LIFR: variants seen among roughly 807,000 people sequenced by gnomAD.
LIFR encodes the protein leukemia inhibitory factor receptor.
In LIFR, 84 loss-of-function variants were observed where a neutral mutation model predicts 122.2. That is an observed-to-expected ratio of 0.69 (90% CI 0.58 to 0.82). The LOEUF is 0.82. LIFR is among the 40% of genes least tolerant of loss of function. The probability of loss-of-function intolerance (pLI) is 0.00; values close to 1 mark genes in which losing one functional copy is unlikely to be tolerated. For missense variants in LIFR, 1,294 were observed against 1,311.6 expected (o/e 0.99, Z 0.21); for synonymous variants, 422 against 434.7 (o/e 0.97, Z 0.36).
chr5:38,489,240 T>C lies in LIFR; in HGVS notation c.2173A>G (p.Ile725Val), dbSNP rs375346911. ...TCAACAGTAAAATTTGGTGCAACAA[T>C]GGGAGCTGTAAAAGGAAAAAGTCAA... ...MIGYIEELAP[I>V]VAPNFTVEDT... The change falls in exon 16 of 20, where the codon ATT becomes GTT. Residue 725 changes from isoleucine to valine, a missense_variant. Transcript: ENST00000453190. 4 of 1,612,110 alleles carry C rather than the reference T, an allele frequency of 2.5e-6. No individual in the cohort carries two copies. The African/African-American group carries it at 5.3e-5, about 22-fold the overall frequency.
chr5:38,478,852 G>T lies in LIFR; in HGVS notation c.*2743C>A, dbSNP rs1743843412. 1 of 225,276 alleles carries T rather than the reference G, an allele frequency of 4.4e-6. No individual in the cohort carries two copies. The allele number at this position is 225,276 out of a possible 1,614,324, so 14.0% of individuals were successfully genotyped here. Reference sequence around the variant, plus strand: ...CTGGGCTTTCACTGAGGAAAAGAGGGATTTCTCAATTATTTTCCCAGTTAG... The same window carrying T: ...CTGGGCTTTCACTGAGGAAAAGAGGTATTTCTCAATTATTTTCCCAGTTAG... On this transcript the variant is annotated 3_prime_UTR_variant, in exon 20 of 20. Transcript: ENST00000453190.
In LIFR at chr5:38,533,664, TC is replaced by T. The variant is rs1360869967; in HGVS notation, c.-19-2999del. Among the ~76,000 whole-genome samples, 8 of 152,330 alleles carry T rather than the reference TC, an allele frequency of 5.3e-5. No individual in the cohort carries two copies. The East Asian group carries it at 1.5e-3, about 29-fold the overall frequency. On this transcript the variant is annotated intron_variant, in intron 1 of 19. Coordinates refer to ENST00000453190, the MANE Select transcript of LIFR (RefSeq NM_001127671.2). ...ATTTTGTTGCTTATTTTGTCTCTGTTCCCCTGTCCCCCAACCCCTCTCTATA... is the reference window on the plus strand; with the variant it reads ...ATTTTGTTGCTTATTTTGTCTCTGTTCCCTGTCCCCCAACCCCTCTCTATA...
rs1743920233 is a variant in LIFR, at chr5:38,480,283, A to T, written c.*1312T>A. On this transcript the variant is annotated 3_prime_UTR_variant, in exon 20 of 20. Coordinates refer to ENST00000453190, the MANE Select transcript of LIFR (RefSeq NM_001127671.2). ...TAGTTTTTCCTTCTGCTTTTCCAAGAACCACAATCACTCCAGACATCGCTT... is the reference window on the plus strand; with the variant it reads ...TAGTTTTTCCTTCTGCTTTTCCAAGTACCACAATCACTCCAGACATCGCTT... 4.4e-6 allele frequency: 1 copy of T among 227,500 alleles called. No homozygotes were observed. Among genetic ancestry groups the T allele is most frequent in the Non-Finnish European group, 8.7e-6 (1 of 114,486 alleles). 14.1% of individuals were successfully genotyped at this position (227,500 alleles called of 1,614,324 possible). A position where few individuals can be genotyped will look rare whatever the true frequency, so the allele number is the denominator to read the frequency against.
chr5:38,506,408 G>T, intron 8 of LIFR, 95 bp downstream of exon 8: 4 of 1,437,428 alleles, frequency 2.8e-6, no homozygotes, highest in Non-Finnish European at 3.9e-6. Context: ...TATCTTGTTT[G>T]TAACATAAAT....
Position 38,506,608 on chromosome 5 carries a change from A to G in LIFR, c.1016T>C (p.Leu339Pro), listed in dbSNP as rs1397852219. 3 of 1,613,462 alleles carry G rather than the reference A, an allele frequency of 1.9e-6. No individual in the cohort carries two copies. The highest frequency in any genetic ancestry group is 2.5e-6 in the Non-Finnish European group (3 of 1,179,420). Residue 339 changes from leucine to proline, a missense_variant, in exon 8 of 20, where the codon CTG becomes CCG. By Grantham distance (98) the Leu-to-Pro change is moderately conservative. Coordinates refer to ENST00000453190, the MANE Select transcript of LIFR (RefSeq NM_001127671.2). ...TTTTAAATCATGTGTCTCACAATTC[A>G]GTTGTTGAGGAGTATCTGGTGGATC... ...AGYPPDTPQQLNCETHDLKEI... is the reference protein window; with the variant it reads ...AGYPPDTPQQPNCETHDLKEI...
intron 14 of LIFR, among the ~76,000 whole-genome samples, chr5:38,491,928 T>C (rs1744614353): frequency 6.6e-6 from 1 of 152,202 alleles, no homozygotes; most frequent in African/African-American, 2.4e-5. Context: ...GTTAAAATTA[T>C]TTATTAACAA....
At chr5:38,579,498 C>T (rs1049004719) in intron 1 of LIFR, 34 of 152,128 alleles carry the variant, frequency 2.2e-4, no homozygotes, top group African/African-American at 7.0e-4. Flanking sequence ...TTAGGAACTC[C>T]TACATAATAC....
At chr5:38,571,988 T>G (rs868337412) in intron 1 of LIFR, among the ~76,000 whole-genome samples, 1 of 152,234 alleles carries the variant, frequency 6.6e-6, no homozygotes, top group Non-Finnish European at 1.5e-5. Flanking sequence ...ATTGCTTTTT[T>G]CTAATAAATA....
chr5:38,561,420 A>G (rs998465275), upstream of LIFR, among the ~76,000 whole-genome samples: 62 of 152,204 alleles, frequency 4.1e-4, no homozygotes, highest in African/African-American at 1.5e-3. Context: ...CTTCTCTATA[A>G]AAAGGGCTTA....
chr5:38,504,122 C>T lies in LIFR; in HGVS notation c.1292-1G>A. ...AATGAAGTAGGAGTATGGGGATAAA[C>T]TGCAAATATAATTTTTAAAGATTAA... On this transcript the variant is annotated splice_acceptor_variant, in intron 9 of 19. Transcript: ENST00000453190. LOFTEE classifies it high-confidence loss of function. 1 of 1,526,076 alleles carries T rather than the reference C, an allele frequency of 6.6e-7. No individual in the cohort carries two copies. Among genetic ancestry groups the T allele is most frequent in the Non-Finnish European group, 9.1e-7 (1 of 1,101,038 alleles). The allele number at this position is 1,526,076 out of a possible 1,614,324, so 94.5% of individuals were successfully genotyped here.
chr5:38,569,110 A>G (rs1749122952), intron 1 of LIFR, among the ~76,000 whole-genome samples: 1 of 152,212 alleles, frequency 6.6e-6, no homozygotes, highest in African/African-American at 2.4e-5. Flanking sequence ...AGGTCTGGGC[A>G]CCATATCGCA....
chr5:38,511,386 G>C (rs1468809587), intron 6 of LIFR, among the ~76,000 whole-genome samples: 1 of 151,910 alleles, frequency 6.6e-6, no homozygotes, highest in Non-Finnish European at 1.5e-5. Context: ...GATGCTTTTT[G>C]GTATGCTTGC....
chr5:38,564,496 T>C (rs1271759090), intron 1 of LIFR, among the ~76,000 whole-genome samples: 1 of 151,930 alleles, frequency 6.6e-6, no homozygotes, highest in Non-Finnish European at 1.5e-5. Context: ...GGATTACAGG[T>C]GTGAGCCACC....
intron 1 of LIFR, among the ~76,000 whole-genome samples, chr5:38,581,650 G>A (rs1485733051): frequency 1.3e-5 from 2 of 152,098 alleles, no homozygotes; most frequent in Non-Finnish European, 1.5e-5. Context: ...GTCCTTTCTG[G>A]AAATGGTTTT....
chr5:38,516,559 A>G (rs1746093692), intron 5 of LIFR, among the ~76,000 whole-genome samples: 1 of 152,188 alleles, frequency 6.6e-6, no homozygotes, highest in South Asian at 2.1e-4. Flanking sequence ...AGGAAACAAC[A>G]GATGTTGGAG....
chr5:38,493,838 C>T (rs915535123), intron 13 of LIFR, 53 bp from the exon 14 acceptor site: 15 of 1,440,342 alleles, frequency 1.0e-5, no homozygotes, highest in Non-Finnish European at 1.3e-5. Flanking sequence ...TAATATAAGG[C>T]AAATCTCATA....
chr5:38,498,346 C>T (rs1016398179), intron 12 of LIFR, among the ~76,000 whole-genome samples: 1 of 152,176 alleles, frequency 6.6e-6, no homozygotes, highest in African/African-American at 2.4e-5. Flanking sequence ...TGGTTCTATG[C>T]ATGCTGCTGT....
At chr5:38,532,182 C>T (rs569813840) in intron 1 of LIFR, among the ~76,000 whole-genome samples, 25 of 152,200 alleles carry the variant, frequency 1.6e-4, no homozygotes, top group East Asian at 1.2e-3. Context: ...CTACAAGTTT[C>T]GATTATTCTA....
rs183172356 is a variant in LIFR at position 38,495,783 on chromosome 5, G to C, written c.1885+599C>G. 5.3e-5 allele frequency among the ~76,000 whole-genome samples: 8 copies of C among 152,216 alleles called. No homozygotes were observed. The East Asian group carries it at 1.2e-3, about 22-fold the overall frequency. On this transcript the variant is annotated intron_variant, in intron 13 of 19. Transcript: ENST00000453190. ...CTCAAAGTTGTCAAGGCAGAAGCTG[G>C]GAAGAATGTATTAATCACTGGACAT...
Sources: allele counts gnomAD v4.1 joint callset (sites outside exome capture counted in the v4.1 genomes callset), GRCh38; gene constraint gnomAD v4.1.1; transcripts MANE v1.5; gene names NCBI Gene and HGNC (gene_info 2026-07-23, HGNC 2026-07-21).